Variants in MESD observed in about 807,000 individuals in gnomAD.
MESD encodes the protein mesoderm development LRP chaperone.
Under a neutral mutation model 12.9 loss-of-function variants are expected in MESD, and 7 were observed. That is an observed-to-expected ratio of 0.54 (90% confidence interval 0.31 to 1.02). The LOEUF (loss-of-function observed/expected upper bound fraction) is 1.02, where lower values mean the gene tolerates loss of function less well. MESD is among the 50% of genes least tolerant of loss of function. The probability of loss-of-function intolerance (pLI) is 0.05; values close to 1 mark genes in which losing one functional copy is unlikely to be tolerated. For missense variants in MESD, 342 were observed against 296.7 expected (o/e 1.15, Z -1.12); for synonymous variants, 126 against 115.6 (o/e 1.09, Z -0.58).
chr15:80,969,398 C>A (rs1276964214), intron 3 of MESD, among the ~76,000 whole-genome samples: 1 of 152,100 alleles, frequency 6.6e-6, no homozygotes, highest in Non-Finnish European at 1.5e-5. Flanking sequence ...ACTGCCTGCA[C>A]ACTTCCCGAA....
chr15:80,968,085 A>G (rs1185110861), intron 3 of MESD, among the ~76,000 whole-genome samples: 1 of 152,236 alleles, frequency 6.6e-6, no homozygotes, highest in African/African-American at 2.4e-5. Flanking sequence ...CAGCATGGTC[A>G]AACTGCAGTC....
downstream of MESD, chr15:80,946,578 A>C: frequency 4.3e-6 from 1 of 232,092 alleles, no homozygotes. Flanking sequence ...ATCTGGTCTT[A>C]CCTAACCAGG....
intron 1 of MESD, among the ~76,000 whole-genome samples, chr15:80,985,690 G>GTTTGGAA (rs1902712832): frequency 1.7e-5 from 2 of 119,144 alleles, no homozygotes; most frequent in Admixed American, 1.1e-4. Context: ...CTATTACCCA[G>GTTTGGAA]TTTGGAATGC....
chr15:80,973,590 G>C (rs1054380360), downstream of MESD, among the ~76,000 whole-genome samples: 7 of 152,134 alleles, frequency 4.6e-5, no homozygotes, highest in African/African-American at 1.4e-4. Flanking sequence ...CTGGGATTCA[G>C]GGAATATGAA....
intron 3 of MESD, among the ~76,000 whole-genome samples, chr15:80,966,201 AT>A (rs78938747): frequency 5.4e-4 from 79 of 147,390 alleles, no homozygotes; most frequent in East Asian, 2.2e-3. Flanking sequence ...AATCATCATC[AT>A]TTTTTTTTTT....
intron 3 of MESD, among the ~76,000 whole-genome samples, chr15:80,959,529 T>C (rs929100337): frequency 6.6e-5 from 10 of 152,130 alleles, no homozygotes; most frequent in Non-Finnish European, 1.3e-4. Context: ...AGCTAGAAAA[T>C]GTCTTGCTCA....
At chr15:80,955,168 A>C (rs1225774326) in intron 3 of MESD, among the ~76,000 whole-genome samples, 1 of 151,714 alleles carries the variant, frequency 6.6e-6, no homozygotes, top group African/African-American at 2.4e-5. Flanking sequence ...ACCACCCAGG[A>C]GTATAACCAG....
chr15:80,966,740 T>C (rs1402581052), intron 3 of MESD, among the ~76,000 whole-genome samples: 3 of 152,228 alleles, frequency 2.0e-5, no homozygotes, highest in Non-Finnish European at 4.4e-5. Context: ...CCTTGCATAG[T>C]TGCCACTGTA....
chr15:80,979,078 C>T lies in MESD; in HGVS notation c.*141G>A. The T allele has an allele frequency of 8.7e-7, 1 of 1,151,572 alleles. No individual in the cohort carries two copies. The highest frequency in any genetic ancestry group is 1.2e-6 in the Non-Finnish European group (1 of 814,944). The allele number at this position is 1,151,572 out of a possible 1,614,324, so 71.3% of individuals were successfully genotyped here. A position where few individuals can be genotyped will look rare whatever the true frequency, so the allele number is the denominator to read the frequency against. On this transcript the variant is annotated 3_prime_UTR_variant, in exon 3 of 3. Coordinates refer to ENST00000261758, the MANE Select transcript of MESD (RefSeq NM_015154.3). ...TAAGCAGTAATTCTTTGACCACAAA[C>T]TGGTCATGTGGCAGACCCTTTCTAG... is the stretch of plus-strand genomic sequence containing the variant.
At chr15:80,981,548 G>A (rs1902578910) in intron 2 of MESD, among the ~76,000 whole-genome samples, 1 of 151,110 alleles carries the variant, frequency 6.6e-6, no homozygotes, top group Non-Finnish European at 1.5e-5. Context: ...ACCCTGTTAA[G>A]AGCCTCAGGA....
At chr15:80,985,755 G>C (rs994958694) in intron 1 of MESD, among the ~76,000 whole-genome samples, 1 of 147,964 alleles carries the variant, frequency 6.8e-6, no homozygotes, top group African/African-American at 2.5e-5. Flanking sequence ...AGGCTCAAGT[G>C]ATCTTCCTAT....
downstream of MESD, among the ~76,000 whole-genome samples, chr15:80,973,828 C>T (rs1266030195): frequency 6.6e-6 from 1 of 152,122 alleles, no homozygotes; most frequent in East Asian, 1.9e-4. Context: ...ATTTAATTAC[C>T]GAGTTTTGTG....
chr15:80,952,617 CGTGTGTGTGT>C lies in MESD; in HGVS notation c.*289-331_*289-322del, dbSNP rs113669846. Among the ~76,000 whole-genome samples the C allele has an allele frequency of 2.7e-4, 41 of 149,300 alleles. 1 individual carries two copies. The highest frequency in any genetic ancestry group is 9.8e-4 in the African/African-American group (40 of 40,876). ...GTTTAAAAACAAAACAACTATGTCT[CGTGTGTGTGT>C]GTGTGTGTGTGTATGTCTCTCTGTC... On this transcript the variant is annotated intron_variant, in intron 3 of 4. Coordinates refer to the MESD transcript ENST00000561312.
intron 3 of MESD, among the ~76,000 whole-genome samples, chr15:80,962,858 C>A (rs1225872148): frequency 1.3e-5 from 2 of 152,214 alleles, no homozygotes; most frequent in South Asian, 2.1e-4. Flanking sequence ...GAAATTGATA[C>A]CACTAAATGC....
chr15:80,951,828 T>G (rs1006883841), intron 4 of MESD: 2 of 156,394 alleles, frequency 1.3e-5, no homozygotes, highest in African/African-American at 4.8e-5. Flanking sequence ...TATCTAGGGA[T>G]AATAACTTAT....
downstream of MESD, among the ~76,000 whole-genome samples, chr15:80,971,730 G>A (rs1203321678): frequency 6.6e-6 from 1 of 151,982 alleles, no homozygotes; most frequent in African/African-American, 2.4e-5. Context: ...AGGTTCAAGA[G>A]ATCCTCCCGC....
chr15:80,965,819 G>A (rs1176775086), intron 3 of MESD, among the ~76,000 whole-genome samples: 1 of 152,124 alleles, frequency 6.6e-6, no homozygotes, highest in Non-Finnish European at 1.5e-5. Context: ...AGGGGACTGG[G>A]GGAAGGATAG....
intron 3 of MESD, among the ~76,000 whole-genome samples, chr15:80,955,372 T>C (rs1179490513): frequency 6.9e-6 from 1 of 145,960 alleles, no homozygotes; most frequent in African/African-American, 2.5e-5. Context: ...GTGCCTGTAG[T>C]CCCAGTATTC....
exon 5 of MESD, chr15:80,948,124 T>C (rs537262297): frequency 1.3e-5 from 2 of 153,524 alleles, no homozygotes; most frequent in South Asian, 4.1e-4. Flanking sequence ...CAAAAGCTGA[T>C]GTATGTAAGG....
Sources: allele counts gnomAD v4.1 joint callset (sites outside exome capture counted in the v4.1 genomes callset), GRCh38; gene constraint gnomAD v4.1.1; transcripts MANE v1.5; gene names NCBI Gene and HGNC (gene_info 2026-07-23, HGNC 2026-07-21).